The following MINPP1 variants were observed in gnomAD, a reference collection of about 807,000 sequenced individuals.
MINPP1 encodes the protein multiple inositol-polyphosphate phosphatase 1, also known as multiple inositol polyphosphate phosphatase 1.
A neutral mutation model predicts 46.1 loss-of-function variants in MINPP1; 28 were observed. The ratio of observed to expected loss-of-function variants is 0.61; its 90% confidence interval spans 0.45 to 0.83. The LOEUF is 0.83. Ranked by LOEUF, MINPP1 falls within the 40% of genes least tolerant of loss-of-function variation. The pLI, the probability that MINPP1 is intolerant of heterozygous loss-of-function variation, is 0.00. For synonymous variants in MINPP1, 268 were observed against 249.1 expected (o/e 1.08, Z -0.72); for missense variants, 603 against 610.0 (o/e 0.99, Z 0.12).
intron 2 of MINPP1, among the ~76,000 whole-genome samples, chr10:87,510,625 G>A (rs1218620075): frequency 6.6e-6 from 1 of 152,130 alleles, no homozygotes; most frequent in South Asian, 2.1e-4. Flanking sequence ...GCCGAGTGCC[G>A]TGGCATAACC....
chr10:87,521,006 A>G (rs1213660772), intron 3 of MINPP1, 30 bp from the exon 4 acceptor site: 2 of 817,984 alleles, frequency 2.4e-6, no homozygotes, highest in Non-Finnish European at 4.0e-6. Context: ...TTTTGAAAAT[A>G]TATTAGAAAT....
At position 87,528,125 on chromosome 10, in the gene MINPP1, C is replaced by A. The variant is rs532050633; in HGVS notation, c.1067+6956C>A. Among the ~76,000 whole-genome samples the A allele has an allele frequency of 1.9e-3, 285 of 152,224 alleles. 2 individuals carry two copies. The highest frequency in any genetic ancestry group is 6.4e-3 in the African/African-American group (264 of 41,536). On this transcript the variant is annotated intron_variant, in intron 4 of 4. Coordinates refer to ENST00000371996, the MANE Select transcript of MINPP1 (RefSeq NM_004897.5). ...CTTCTTTATTAGTCTTGCTAGCAGT[C>A]TATCAGTTTTGTTGATCTTTTCAAA...
chr10:87,506,856 A>G (rs61854926), intron 1 of MINPP1, among the ~76,000 whole-genome samples: 18,647 of 152,240 alleles, frequency 0.12, 1,377 homozygotes, highest in Non-Finnish European at 0.17. Flanking sequence ...ATTCTGTGTC[A>G]TGTTATTGTG....
chr10:87,531,119 A>G (rs1042645042), intron 4 of MINPP1, among the ~76,000 whole-genome samples: 1 of 152,124 alleles, frequency 6.6e-6, no homozygotes, highest in Admixed American at 6.5e-5. Flanking sequence ...CCTTTGGCTA[A>G]GAAAGGGAAT....
Position 87,537,294 on chromosome 10 carries a change from AGTT to A in MINPP1, c.1068-14784_1068-14782del, listed in dbSNP as rs200167170. Among the ~76,000 whole-genome samples the A allele has an allele frequency of 5.2e-4, 79 of 152,318 alleles. No individual in the cohort carries two copies. The East Asian group carries it at 0.015, about 29-fold the overall frequency. On this transcript the variant is annotated intron_variant, in intron 4 of 4. Transcript: ENST00000371996. Reference sequence around the variant, plus strand: ...TTTCCCACCAATGTATGAGAGTTTCAGTTGTTCCACATCCTGCCAACGCTTCAT... The same window carrying A: ...TTTCCCACCAATGTATGAGAGTTTCAGTTCCACATCCTGCCAACGCTTCAT...
chr10:87,530,482 A>G (rs1406019108), intron 4 of MINPP1, among the ~76,000 whole-genome samples: 1 of 152,204 alleles, frequency 6.6e-6, no homozygotes, highest in Non-Finnish European at 1.5e-5. Context: ...GGTCCACTCC[A>G]GACCCTGTTT....
intron 4 of MINPP1, among the ~76,000 whole-genome samples, chr10:87,531,064 A>G (rs1283677874): frequency 6.6e-6 from 1 of 152,172 alleles, no homozygotes; most frequent in Non-Finnish European, 1.5e-5. Context: ...GTGCAGTATT[A>G]GGATGGGAGT....
chr10:87,521,574 T>G (rs2131815613), intron 4 of MINPP1, among the ~76,000 whole-genome samples: 1 of 152,348 alleles, frequency 6.6e-6, no homozygotes, highest in Non-Finnish European at 1.5e-5. Context: ...TACTGCTTAT[T>G]GTCTTTTGGG....
chr10:87,516,007 T>C (rs1851409608), intron 3 of MINPP1, among the ~76,000 whole-genome samples: 1 of 148,140 alleles, frequency 6.8e-6, no homozygotes, highest in Middle Eastern at 3.2e-3. Flanking sequence ...GTTTGTATTT[T>C]TAGTAGAGAC....
intron 4 of MINPP1, among the ~76,000 whole-genome samples, chr10:87,535,037 A>G (rs532155949): frequency 6.6e-6 from 1 of 152,360 alleles, no homozygotes. Context: ...TCTAGTAAGG[A>G]AGATGTCTTA....
chr10:87,512,245 C>T (rs1216601125), intron 2 of MINPP1, among the ~76,000 whole-genome samples: 1 of 152,160 alleles, frequency 6.6e-6, no homozygotes. Context: ...CCATATGTAT[C>T]TCAAAGTAAT....
At chr10:87,545,586 T>G (rs1242652364) in intron 4 of MINPP1, among the ~76,000 whole-genome samples, 4 of 152,234 alleles carry the variant, frequency 2.6e-5, no homozygotes, top group Admixed American at 2.6e-4. Flanking sequence ...TTAAAATATC[T>G]TCTTTTAATA....
chr10:87,530,732 T>G (rs1851647361), intron 4 of MINPP1, among the ~76,000 whole-genome samples: 3 of 152,192 alleles, frequency 2.0e-5, no homozygotes. Context: ...TTCAAAGCTG[T>G]CAGACAGGGA....
intron 4 of MINPP1, among the ~76,000 whole-genome samples, chr10:87,521,934 G>A (rs764428300): frequency 6.6e-5 from 10 of 152,088 alleles, no homozygotes; most frequent in Admixed American, 4.6e-4. Flanking sequence ...ATCCTCTCCC[G>A]TTGGTCTCCC....
chr10:87,540,464 CTCTCTGTCTCTG>C (rs76919133), intron 4 of MINPP1, among the ~76,000 whole-genome samples: 3 of 148,594 alleles, frequency 2.0e-5, no homozygotes, highest in Admixed American at 6.8e-5. Context: ...TCTCTCTCCT[CTCTCTGTCTCTG>C]TCTCTGTCTC....
At chr10:87,523,134 G>T (rs888212778) in intron 4 of MINPP1, among the ~76,000 whole-genome samples, 4 of 152,026 alleles carry the variant, frequency 2.6e-5, no homozygotes, top group African/African-American at 9.7e-5. Context: ...CATCCATGAG[G>T]GTTGGAATCA....
At chr10:87,550,258 G>A (rs903249194) in intron 4 of MINPP1, among the ~76,000 whole-genome samples, 1 of 152,118 alleles carries the variant, frequency 6.6e-6, no homozygotes, top group Non-Finnish European at 1.5e-5. Flanking sequence ...AACTAAATAT[G>A]GCTGTGTTCT....
intron 3 of MINPP1, among the ~76,000 whole-genome samples, chr10:87,513,724 ACT>A (rs1230241127): frequency 6.6e-6 from 1 of 151,786 alleles, no homozygotes; most frequent in African/African-American, 2.4e-5. Flanking sequence ...TTCCTTTATC[ACT>A]CTCTCTACTA....
intron 4 of MINPP1, among the ~76,000 whole-genome samples, chr10:87,549,963 C>T (rs1193263638): frequency 1.3e-5 from 2 of 152,118 alleles, no homozygotes; most frequent in African/African-American, 4.8e-5. Flanking sequence ...TGAATATACT[C>T]AGATGTATAA....
Sources: allele counts gnomAD v4.1 joint callset (sites outside exome capture counted in the v4.1 genomes callset), GRCh38; gene constraint gnomAD v4.1.1; transcripts MANE v1.5; gene names NCBI Gene and HGNC (gene_info 2026-07-23, HGNC 2026-07-21).